Variants in F8 observed in about 807,000 individuals in gnomAD.
F8 encodes the protein antihemophilic factor.
F8 carries 12 observed loss-of-function variants against 140.6 expected under a neutral mutation model. That is an observed-to-expected ratio of 0.09 (90% CI 0.05 to 0.14). The LOEUF (loss-of-function observed/expected upper bound fraction) is 0.14, where lower values mean the gene tolerates loss of function less well. Among genes scored for constraint, F8 ranks in the 10% least tolerant of loss-of-function variants. The probability of loss-of-function intolerance (pLI) is 1.00; values close to 1 mark genes in which losing one functional copy is unlikely to be tolerated. For missense variants in F8, 1,354 were observed against 1,720.7 expected (o/e 0.79, Z 3.77); for synonymous variants, 585 against 614.6 (o/e 0.95, Z 0.71).
intron 9 of F8, among the ~76,000 whole-genome samples, chrX:154,964,120 T>A (rs2073411653): frequency 9.1e-6 from 1 of 110,456 alleles, no homozygotes; most frequent in African/African-American, 3.3e-5. Flanking sequence ...TTTGTACATG[T>A]ATGCACTACT....
At chrX:154,889,942 G>A in intron 22 of F8, among the ~76,000 whole-genome samples, 1 of 69,673 alleles carries the variant, frequency 1.4e-5, no homozygotes, top group Admixed American at 1.5e-4. Context: ...AAAGACGTTT[G>A]AGAACCGCTA....
At chrX:155,003,390 T>C (rs2073658433) in intron 1 of F8, among the ~76,000 whole-genome samples, 1 of 102,959 alleles carries the variant, frequency 9.7e-6, no homozygotes, top group African/African-American at 3.6e-5. Context: ...AATAGAAACT[T>C]CCAATCAAAA....
intron 12 of F8, among the ~76,000 whole-genome samples, chrX:154,951,063 T>C (rs1156509594): frequency 8.9e-6 from 1 of 112,233 alleles, no homozygotes; most frequent in Non-Finnish European, 1.9e-5. Context: ...CTTCTTCTAG[T>C]TACCCATATC....
chrX:154,850,828 T>C (rs1280965301), intron 25 of F8, among the ~76,000 whole-genome samples: 3 of 112,465 alleles, frequency 2.7e-5, no homozygotes, highest in African/African-American at 9.7e-5. Context: ...TTTGCTATTA[T>C]TTAGAAATCA....
intron 6 of F8, among the ~76,000 whole-genome samples, chrX:154,982,383 G>C (rs1238193814): frequency 3.1e-5 from 3 of 95,865 alleles, no homozygotes; most frequent in Non-Finnish European, 6.2e-5. Context: ...GGGGGGCAGA[G>C]CCTGCAGTGA....
intron 6 of F8, among the ~76,000 whole-genome samples, chrX:154,972,703 C>CTTTTTTTT (rs1557282690): frequency 7.7e-5 from 5 of 64,690 alleles, no homozygotes; most frequent in African/African-American, 3.5e-4. Context: ...TTCTTTCTGT[C>CTTTTTTTT]TTTCTTTTTT....
At chrX:154,947,649 C>T (rs1047992495) in intron 13 of F8, 49 bp downstream of exon 13, 2 of 986,300 alleles carry the variant, frequency 2.0e-6, no homozygotes, top group East Asian at 6.1e-5. Flanking sequence ...ATACGAATGG[C>T]TAGTGAAGCA....
At chrX:154,986,951 A>C (rs1467105102) in intron 5 of F8, among the ~76,000 whole-genome samples, 1 of 111,524 alleles carries the variant, frequency 9.0e-6, no homozygotes, top group Non-Finnish European at 1.9e-5. Context: ...GCACTTAATA[A>C]TAGATGAAGA....
chrX:155,003,730 G>A (rs781867818), intron 1 of F8, among the ~76,000 whole-genome samples: 4 of 110,766 alleles, frequency 3.6e-5, no homozygotes, highest in African/African-American at 1.3e-4. Context: ...AGGCCGAGGC[G>A]GGCAGATCAC....
intron 25 of F8, among the ~76,000 whole-genome samples, chrX:154,856,742 TC>T (rs2072654328): frequency 1.8e-5 from 2 of 111,995 alleles, no homozygotes; most frequent in South Asian, 7.5e-4. Flanking sequence ...TGCCACTCTT[TC>T]TCTCAGCCTT....
At chrX:154,859,595 C>T (rs1189207258) in intron 25 of F8, among the ~76,000 whole-genome samples, 2 of 111,506 alleles carry the variant, frequency 1.8e-5, no homozygotes, top group Non-Finnish European at 3.8e-5. Context: ...AGCCACCGCG[C>T]CCGGCCTTCA....
intron 21 of F8, among the ~76,000 whole-genome samples, chrX:154,897,210 G>A (rs781828864): frequency 3.6e-5 from 4 of 112,632 alleles, no homozygotes; most frequent in Non-Finnish European, 7.5e-5. Context: ...AACATTAGAA[G>A]TATCAGTTAC....
In F8 at chrX:154,953,820, C is replaced by A; in HGVS notation, c.1903+72G>T. On this transcript the variant is annotated intron_variant, in intron 12 of 25. Transcript: ENST00000360256. ...TGTGCACATACAATTCATTCATTAT[C>A]TGGACATCACTTTGATTACATCAAT... The A allele has an allele frequency of 2.7e-6, 3 of 1,099,250 alleles. No homozygotes were observed. The South Asian group carries it at 5.5e-5, about 20-fold the overall frequency. 90.6% of individuals were successfully genotyped at this position (1,099,250 alleles called of 1,213,427 possible). A position where few individuals can be genotyped will look rare whatever the true frequency, so the allele number is the denominator to read the frequency against.
chrX:154,944,308 C>T (rs1253447679), intron 13 of F8, among the ~76,000 whole-genome samples: 2 of 108,692 alleles, frequency 1.8e-5, no homozygotes, highest in African/African-American at 3.3e-5. Context: ...ACAATGAACT[C>T]AAACAAATTT....
chrX:155,012,505 C>A (rs1467705863), intron 1 of F8, among the ~76,000 whole-genome samples: 4 of 111,177 alleles, frequency 3.6e-5, no homozygotes. Context: ...GAAGTCAAGT[C>A]TTGTTATGTT....
intron 14 of F8, among the ~76,000 whole-genome samples, chrX:154,924,475 T>C (rs1305675126): frequency 8.0e-5 from 9 of 112,188 alleles, no homozygotes; most frequent in Admixed American, 2.8e-4. Context: ...GCAAAGATAC[T>C]GGTGGCATTT....
chrX:154,901,065 T>C (rs2073007265), intron 20 of F8, among the ~76,000 whole-genome samples: 1 of 112,259 alleles, frequency 8.9e-6, no homozygotes, highest in Non-Finnish European at 1.9e-5. Context: ...AGTCAAACTT[T>C]ACCATTACTG....
chrX:154,982,465 AT>A lies in F8; in HGVS notation c.787+2221del, dbSNP rs1183863676. ...CGTCTCAAAAAAAAAAAAAAAAAAA[AT>A]ATATATATATATGTATACACACTTA... On this transcript the variant is annotated intron_variant, in intron 6 of 25. Coordinates refer to ENST00000360256, the MANE Select transcript of F8 (RefSeq NM_000132.4). 2.7e-3 allele frequency among the ~76,000 whole-genome samples: 245 copies of A among 90,670 alleles called. 2 individuals are homozygous for A. Among genetic ancestry groups the A allele is most frequent in the African/African-American group, 9.5e-3 (207 of 21,728 alleles). 78.7% of individuals were successfully genotyped at this position (90,670 alleles called of 115,157 possible). A position where few individuals can be genotyped will look rare whatever the true frequency, so the allele number is the denominator to read the frequency against.
intron 22 of F8, among the ~76,000 whole-genome samples, chrX:154,891,752 G>A (rs1406846381): frequency 8.9e-6 from 1 of 112,473 alleles, no homozygotes; most frequent in Non-Finnish European, 1.9e-5. Context: ...GGTGCCTGGG[G>A]CTGTGTAAAT....
Sources: allele counts gnomAD v4.1 joint callset (sites outside exome capture counted in the v4.1 genomes callset), GRCh38; gene constraint gnomAD v4.1.1; transcripts MANE v1.5; gene names NCBI Gene and HGNC (gene_info 2026-07-23, HGNC 2026-07-21).